ZBTB34: variants seen among roughly 807,000 people sequenced by gnomAD.
ZBTB34 encodes the protein zinc finger and BTB domain containing 34, also known as zinc finger and BTB domain-containing protein 34.
A neutral mutation model predicts 33.4 loss-of-function variants in ZBTB34; 1 was observed. That is an observed-to-expected ratio of 0.03 (90% CI 0.01 to 0.14). ZBTB34 has a LOEUF of 0.14. ZBTB34 is among the 10% of genes least tolerant of loss of function. The pLI, the probability that ZBTB34 is intolerant of heterozygous loss-of-function variation, is 1.00. For missense variants in ZBTB34, 406 were observed against 657.2 expected (o/e 0.62, Z 4.18); for synonymous variants, 283 against 253.5 (o/e 1.12, Z -1.11).
intron 1 of ZBTB34, among the ~76,000 whole-genome samples, chr9:126,871,609 C>T (rs1056874673): frequency 2.0e-5 from 3 of 151,674 alleles, no homozygotes; most frequent in East Asian, 1.9e-4. Context: ...AGATTACAGG[C>T]GGAAAGATTT....
intron 1 of ZBTB34, among the ~76,000 whole-genome samples, chr9:126,862,872 A>T (rs2033159398): frequency 1.4e-5 from 2 of 147,600 alleles, no homozygotes; most frequent in Admixed American, 6.7e-5. Flanking sequence ...ATACTTCCTG[A>T]TTTTTGTTGG....
chr9:126,864,309 C>G (rs1410204128), intron 1 of ZBTB34, among the ~76,000 whole-genome samples: 1 of 152,154 alleles, frequency 6.6e-6, no homozygotes, highest in East Asian at 1.9e-4. Flanking sequence ...TTAGTGTCGT[C>G]TAAGAGCTTA....
At chr9:126,885,169 T>C (rs2033504210) in exon 2 of ZBTB34, 1 of 167,036 alleles carries the variant, frequency 6.0e-6, no homozygotes, top group Non-Finnish European at 1.5e-5. Context: ...AGTGCCAGAG[T>C]GTTCCCACTG....
rs2033403549 is a variant in ZBTB34, at chr9:126,879,357, T to C, written c.-10-33T>C. On this transcript the variant is annotated intron_variant, in intron 1 of 1. Transcript: ENST00000319119. The surrounding 1 kb of genome is among the most constrained non-coding windows in gnomAD (Gnocchi z 6.4). ...GCCACTTGTACTTAGTGAGGAGTCATTGGTGAATGATGCAAACTCTCTCTC... is the reference window on the plus strand; with the variant it reads ...GCCACTTGTACTTAGTGAGGAGTCACTGGTGAATGATGCAAACTCTCTCTC... 6 of 1,546,940 alleles carry C rather than the reference T, an allele frequency of 3.9e-6. No individual in the cohort carries two copies. Among genetic ancestry groups the C allele is most frequent in the Admixed American group, 1.9e-5 (1 of 53,608 alleles).
exon 2 of ZBTB34, chr9:126,885,426 G>A (rs2033509051): frequency 6.0e-6 from 1 of 167,110 alleles, no homozygotes; most frequent in Non-Finnish European, 1.5e-5. Context: ...ATTGTAAGAG[G>A]TAAACTTACC....
intron 1 of ZBTB34, among the ~76,000 whole-genome samples, chr9:126,861,154 C>T (rs944936553): frequency 2.0e-5 from 3 of 152,154 alleles, no homozygotes; most frequent in South Asian, 2.1e-4. Context: ...TGGTTGAGTT[C>T]CCTGGAGAGC....
chr9:126,862,317 A>C (rs1023013443), intron 1 of ZBTB34, among the ~76,000 whole-genome samples: 1 of 152,188 alleles, frequency 6.6e-6, no homozygotes, highest in African/African-American at 2.4e-5. Flanking sequence ...ACTAGGTCAA[A>C]GTTGAAACTA....
At chr9:126,866,176 A>G (rs73668428) in intron 1 of ZBTB34, among the ~76,000 whole-genome samples, 16 of 151,672 alleles carry the variant, frequency 1.1e-4, no homozygotes, top group African/African-American at 3.9e-4. Flanking sequence ...ATCCTCAGTC[A>G]GTACACAGTC....
At chr9:126,873,627 C>T (rs1466789222) in intron 1 of ZBTB34, among the ~76,000 whole-genome samples, 1 of 151,696 alleles carries the variant, frequency 6.6e-6, no homozygotes, top group Non-Finnish European at 1.5e-5. Flanking sequence ...TTTTTTGAGA[C>T]GGAGTCTTGC....
At chr9:126,876,550 T>C (rs757665598) in intron 1 of ZBTB34, among the ~76,000 whole-genome samples, 1 of 152,098 alleles carries the variant, frequency 6.6e-6, no homozygotes, top group African/African-American at 2.4e-5. Flanking sequence ...ATTATTTTAA[T>C]AGGTTGTATT....
At chr9:126,864,112 C>T (rs1165949026) in intron 1 of ZBTB34, among the ~76,000 whole-genome samples, 2 of 152,128 alleles carry the variant, frequency 1.3e-5, no homozygotes, top group Admixed American at 6.6e-5. Context: ...AATAAAAATC[C>T]TGCATCTCAC....
At chr9:126,876,039 C>G (rs1446850585) in intron 1 of ZBTB34, among the ~76,000 whole-genome samples, 1 of 151,116 alleles carries the variant, frequency 6.6e-6, no homozygotes, top group African/African-American at 2.4e-5. Context: ...GGATATTATG[C>G]TAATGTGTGT....
chr9:126,868,419 G>A (rs1388103077), intron 1 of ZBTB34, among the ~76,000 whole-genome samples: 1 of 152,176 alleles, frequency 6.6e-6, no homozygotes, highest in Non-Finnish European at 1.5e-5. Flanking sequence ...TGGGAGGAGT[G>A]TCCCAGGATG....
In ZBTB34 at chr9:126,871,169, T is replaced by G. The variant is rs564583577; in HGVS notation, c.-10-8221T>G. 3.3e-4 allele frequency among the ~76,000 whole-genome samples: 47 copies of G among 144,548 alleles called. 1 individual carries two copies. The South Asian group carries it at 0.011, about 33-fold the overall frequency. 94.8% of individuals were successfully genotyped at this position (144,548 alleles called of 152,430 possible). A position where few individuals can be genotyped will look rare whatever the true frequency, so the allele number is the denominator to read the frequency against. On this transcript the variant is annotated intron_variant, in intron 1 of 1. Transcript: ENST00000319119. ...ATTTACTTACATAAGAAAGCCAAGATGTAAGTGAGGGGGGTGTGTGTGTGT... is the reference window on the plus strand; with the variant it reads ...ATTTACTTACATAAGAAAGCCAAGAGGTAAGTGAGGGGGGTGTGTGTGTGT...
chr9:126,861,724 C>T (rs1205427619), intron 1 of ZBTB34, among the ~76,000 whole-genome samples: 1 of 152,146 alleles, frequency 6.6e-6, no homozygotes, highest in African/African-American at 2.4e-5. Context: ...TCACATTCCG[C>T]CGAGTTTTTG....
chr9:126,866,992 A>T (rs531416740), intron 1 of ZBTB34, among the ~76,000 whole-genome samples: 1 of 152,208 alleles, frequency 6.6e-6, no homozygotes, highest in Non-Finnish European at 1.5e-5. Flanking sequence ...ATATTAGTCT[A>T]CATCTTGCTG....
At chr9:126,875,113 T>A (rs1319532859) in intron 1 of ZBTB34, among the ~76,000 whole-genome samples, 1 of 152,238 alleles carries the variant, frequency 6.6e-6, no homozygotes, top group Non-Finnish European at 1.5e-5. Flanking sequence ...GCGCATGGAA[T>A]GTGGTTAGTC....
At chr9:126,871,652 G>A (rs1042423360) in intron 1 of ZBTB34, among the ~76,000 whole-genome samples, 3 of 151,840 alleles carry the variant, frequency 2.0e-5, no homozygotes, top group African/African-American at 7.3e-5. Context: ...TTTAAAGTAG[G>A]GTACAGAACA....
Position 126,880,323 on chromosome 9 carries a change from T to C in ZBTB34, c.924T>C (p.Asn308=), listed in dbSNP as rs1470218512. ...CAGAAGCTTTTGGAAGTTTGAGTAA[T>C]TCCAGCCCATCCAGGTCCATGCTGA... The change falls in exon 2 of 2, where the codon AAT becomes AAC. Residue 308 remains asparagine, a synonymous_variant. Transcript: ENST00000319119. This position sits in a 1 kb window ranked among gnomAD's most constrained non-coding sequence, Gnocchi z 6.7. 6.2e-7 allele frequency: 1 copy of C among 1,613,878 alleles called. No individual in the cohort carries two copies. Among genetic ancestry groups the C allele is most frequent in the Non-Finnish European group, 8.5e-7 (1 of 1,179,910 alleles).
Sources: gnomAD v4.1 joint callset for allele counts (sites outside exome capture counted in the v4.1 genomes callset) on GRCh38, gnomAD v4.1.1 for gene constraint, Gnocchi (gnomAD v3.1) non-coding constraint, MANE v1.5 for transcripts, NCBI Gene and HGNC (gene_info 2026-07-23, HGNC 2026-07-21) for gene names.